The following CNTN4 variants were observed in gnomAD, a reference collection of about 807,000 sequenced individuals.
CNTN4 encodes contactin 4, also known as contactin-4.
In CNTN4, 77 loss-of-function variants were observed where a neutral mutation model predicts 122.5. The observed-to-expected ratio is 0.63, with a 90% confidence interval of 0.52 to 0.76. The LOEUF (loss-of-function observed/expected upper bound fraction) is 0.76. Ranked by LOEUF, CNTN4 falls within the 30% of genes least tolerant of loss-of-function variation. The pLI is 0.00. For missense variants in CNTN4, 1,256 were observed against 1,259.1 expected, an observed-to-expected ratio of 1.00 and a Z score of 0.04; for synonymous variants, 512 against 447.0, an observed-to-expected ratio of 1.15 and a Z score of -1.83.
In CNTN4 at chr3:2,917,058, G is replaced by A. The variant is rs966922434; in HGVS notation, c.1208-8571G>A. 8.7e-5 allele frequency among the ~76,000 whole-genome samples: 11 copies of A among 126,456 alleles called. 1 individual carries two copies. Among genetic ancestry groups the A allele is most frequent in the African/African-American group, 1.8e-4 (6 of 33,602 alleles). The allele number at this position is 126,456 out of a possible 152,430, so 83.0% of individuals were successfully genotyped here. ...ACTCCGTCTGCCATCCCGGCACCTC[G>A]GGAGGCCGAGGCTGGCGGATCACTC... On this transcript the variant is annotated intron_variant, in intron 12 of 24. Coordinates refer to ENST00000418658, the MANE Select transcript of CNTN4 (RefSeq NM_175607.3).
intron 2 of CNTN4, among the ~76,000 whole-genome samples, chr3:2,231,296 G>A (rs752903741): frequency 6.6e-6 from 1 of 152,166 alleles, no homozygotes; most frequent in Non-Finnish European, 1.5e-5. Flanking sequence ...TGAATAGCAT[G>A]ATAGTACAGT....
chr3:2,278,922 C>T (rs1047304968), intron 2 of CNTN4, among the ~76,000 whole-genome samples: 2 of 151,850 alleles, frequency 1.3e-5, no homozygotes, highest in Non-Finnish European at 2.9e-5. Flanking sequence ...TTATACCACA[C>T]TGTTACTAAG....
At chr3:2,302,139 C>G (rs2042548421) in intron 2 of CNTN4, among the ~76,000 whole-genome samples, 1 of 152,044 alleles carries the variant, frequency 6.6e-6, no homozygotes, top group Non-Finnish European at 1.5e-5. Context: ...CTTTATAAAA[C>G]TTAGAATTGG....
intron 3 of CNTN4, among the ~76,000 whole-genome samples, chr3:2,386,515 T>C (rs1245242413): frequency 6.6e-6 from 1 of 152,222 alleles, no homozygotes; most frequent in Non-Finnish European, 1.5e-5. Context: ...TGTGTTTACA[T>C]TGCATTGAAA....
intron 2 of CNTN4, among the ~76,000 whole-genome samples, chr3:2,294,269 A>AAAGGCAG: frequency 6.6e-6 from 1 of 150,378 alleles, no homozygotes; most frequent in African/African-American, 2.4e-5. Flanking sequence ...ATTGCAAAGG[A>AAAGGCAG]AAGGCAGAAG....
intron 2 of CNTN4, among the ~76,000 whole-genome samples, chr3:2,140,876 G>A (rs1408851105): frequency 6.6e-6 from 1 of 152,146 alleles, no homozygotes; most frequent in Non-Finnish European, 1.5e-5. Context: ...ATATGTGTAT[G>A]AGTTGACTGT....
intron 13 of CNTN4, among the ~76,000 whole-genome samples, chr3:2,948,955 C>A (rs1055204547): frequency 6.6e-6 from 1 of 152,006 alleles, no homozygotes; most frequent in African/African-American, 2.4e-5. Context: ...ACTAATCAGC[C>A]CTTCCAGTGA....
intron 3 of CNTN4, among the ~76,000 whole-genome samples, chr3:2,369,486 C>T (rs2045545637): frequency 6.6e-6 from 1 of 152,292 alleles, no homozygotes; most frequent in East Asian, 1.9e-4. Context: ...CCAAGGAAGC[C>T]TCATCTGTAC....
At chr3:2,228,547 A>T (rs1165745729) in intron 2 of CNTN4, among the ~76,000 whole-genome samples, 1 of 152,092 alleles carries the variant, frequency 6.6e-6, no homozygotes, top group Non-Finnish European at 1.5e-5. Context: ...AAACATCATC[A>T]TCAACAGTAA....
chr3:2,303,862 GACTTTCC>G lies in CNTN4; in HGVS notation c.-144-35315_-144-35309del, dbSNP rs146891158. On this transcript the variant is annotated intron_variant, in intron 2 of 24. Coordinates refer to ENST00000418658, the MANE Select transcript of CNTN4 (RefSeq NM_175607.3). ...AAGCAAATCTGGGTAGGAGCACAGC[GACTTTCC>G]CTCTGTCTGCAGGTATTTAGAGCTG... Among the ~76,000 whole-genome samples the G allele has an allele frequency of 8.1e-3, 1,237 of 152,272 alleles. 19 individuals are homozygous for G. Among genetic ancestry groups the G allele is most frequent in the South Asian group, 0.035 (170 of 4,822 alleles).
intron 2 of CNTN4, among the ~76,000 whole-genome samples, chr3:2,169,713 A>G (rs1391442633): frequency 6.6e-6 from 1 of 152,134 alleles, no homozygotes; most frequent in Admixed American, 6.5e-5. Flanking sequence ...CTTTAAAGCT[A>G]TTATGAAAGA....
chr3:2,953,457 G>T (rs1415279370), intron 13 of CNTN4, among the ~76,000 whole-genome samples: 4 of 150,934 alleles, frequency 2.7e-5, no homozygotes, highest in Non-Finnish European at 5.9e-5. Context: ...AGTCCATCCA[G>T]GCCACTTCTT....
At chr3:2,489,986 A>G (rs2076269532) in intron 3 of CNTN4, among the ~76,000 whole-genome samples, 1 of 152,118 alleles carries the variant, frequency 6.6e-6, no homozygotes, top group Non-Finnish European at 1.5e-5. Flanking sequence ...CAAATTGTAA[A>G]TAGGGGAATG....
chr3:2,787,636 G>A (rs11720587), intron 6 of CNTN4, among the ~76,000 whole-genome samples: 7 of 152,256 alleles, frequency 4.6e-5, no homozygotes, highest in African/African-American at 9.6e-5. Context: ...TCACTTACCA[G>A]CTATTTAACC....
intron 3 of CNTN4, among the ~76,000 whole-genome samples, chr3:2,513,984 C>T (rs80240019): frequency 3.4e-4 from 52 of 152,282 alleles, no homozygotes; most frequent in Non-Finnish European, 6.8e-4. Context: ...TACGTGTTTG[C>T]ATGCATACAA....
chr3:2,548,095 T>C (rs530140868), intron 3 of CNTN4, among the ~76,000 whole-genome samples: 1 of 152,158 alleles, frequency 6.6e-6, no homozygotes, highest in Non-Finnish European at 1.5e-5. Context: ...GATGGATAGA[T>C]TGCAAAAAAT....
intron 2 of CNTN4, among the ~76,000 whole-genome samples, chr3:2,268,724 T>C (rs910132080): frequency 3.9e-5 from 6 of 152,130 alleles, no homozygotes; most frequent in Admixed American, 3.9e-4. Context: ...TCTTGGAGAA[T>C]CAAAATTTTT....
chr3:2,983,698 A>T (rs144146122), intron 13 of CNTN4, among the ~76,000 whole-genome samples: 72 of 152,356 alleles, frequency 4.7e-4, no homozygotes, highest in African/African-American at 1.7e-3. Flanking sequence ...TCCCAAAGTC[A>T]CACAACTTCT....
At chr3:2,953,255 C>A (rs1213447062) in intron 13 of CNTN4, among the ~76,000 whole-genome samples, 1 of 152,104 alleles carries the variant, frequency 6.6e-6, no homozygotes, top group Non-Finnish European at 1.5e-5. Context: ...TAACTGGTAG[C>A]CTTTCCTTCC....
Sources: gnomAD v4.1 joint callset for allele counts (sites outside exome capture counted in the v4.1 genomes callset) on GRCh38, gnomAD v4.1.1 for gene constraint, MANE v1.5 for transcripts, NCBI Gene and HGNC (gene_info 2026-07-23, HGNC 2026-07-21) for gene names.